The following GNL2 variants were observed in gnomAD, a reference collection of about 807,000 sequenced individuals.
GNL2 encodes the protein G protein nucleolar 2.
In GNL2, 51 loss-of-function variants were observed where a neutral mutation model predicts 92.3. That is an observed-to-expected ratio of 0.55 (90% confidence interval 0.44 to 0.70). The LOEUF (loss-of-function observed/expected upper bound fraction) is 0.70. Ranked by LOEUF, GNL2 falls within the 30% of genes least tolerant of loss-of-function variation. The pLI is 0.00. For synonymous variants in GNL2, 283 were observed against 300.6 expected (o/e 0.94, Z 0.61); for missense variants, 844 against 895.6 (o/e 0.94, Z 0.74).
Position 37,595,910 on chromosome 1 carries a change from C to G in GNL2, c.-88G>C. 9.1e-7 allele frequency: 1 copy of G among 1,097,276 alleles called. No homozygotes were observed. The highest frequency in any genetic ancestry group is 2.4e-5 in the East Asian group (1 of 41,250). The allele number at this position is 1,097,276 out of a possible 1,614,324, so 68.0% of individuals were successfully genotyped here. On this transcript the variant is annotated 5_prime_UTR_variant, in exon 1 of 16. Coordinates refer to ENST00000373062, the MANE Select transcript of GNL2 (RefSeq NM_013285.3). ...GTTCCCAAGCCCGGCCGAAGACACC[C>G]GCCTGAACCACGCCGGACCACGTGT...
chr1:37,580,845 T>A (rs11576892), intron 8 of GNL2, among the ~76,000 whole-genome samples: 10 of 152,318 alleles, frequency 6.6e-5, no homozygotes, highest in African/African-American at 2.4e-4. Flanking sequence ...ATTATACTCA[T>A]AGCACACCAT....
chr1:37,573,652 G>T (rs976268299), intron 12 of GNL2, among the ~76,000 whole-genome samples: 1 of 152,234 alleles, frequency 6.6e-6, no homozygotes, highest in Non-Finnish European at 1.5e-5. Flanking sequence ...TCTTAGCAAT[G>T]ATTCTGTTTC....
chr1:37,570,874 A>G (rs1386646448), intron 12 of GNL2: 5 of 152,212 alleles, frequency 3.3e-5, no homozygotes, highest in East Asian at 3.9e-4. Flanking sequence ...AACCGCAAAG[A>G]TAAGTATGTG....
At chr1:37,582,963 T>C in intron 6 of GNL2, 27 bp from the exon 7 acceptor site, 1 of 1,558,726 alleles carries the variant, frequency 6.4e-7, no homozygotes, top group Non-Finnish European at 8.8e-7. Context: ...GCAAAAATGG[T>C]TTGCTACAGT....
At position 37,574,778 on chromosome 1, in the gene GNL2, C is replaced by T. The variant is rs767331192; in HGVS notation, c.1189G>A (p.Val397Ile). Residue 397 changes from valine (V) to isoleucine (I), a missense_variant, in exon 11 of 16, where the codon GTA (valine) becomes ATA (isoleucine). Val to Ile is a conservative substitution (Grantham distance 29). Coordinates refer to ENST00000373062, the MANE Select transcript of GNL2 (RefSeq NM_013285.3). Reference protein sequence around the residue: ...IKSPEDHIGAVLERAKPEYIS... With the variant: ...IKSPEDHIGAILERAKPEYIS... The stretch of plus-strand genomic sequence containing the variant: ...TATTCTGGCTTTGCTCGTTCAAGTA[C>T]AGCACCAATGTGGTCTTCAGGACTC... The T allele has an allele frequency of 1.9e-6, 3 of 1,613,276 alleles. No individual in the cohort carries two copies. In the South Asian group the frequency reaches 3.3e-5, roughly 18 times the overall value.
At chr1:37,580,519 C>T (rs1436500642) in intron 8 of GNL2, among the ~76,000 whole-genome samples, 3 of 152,140 alleles carry the variant, frequency 2.0e-5, no homozygotes, top group Non-Finnish European at 4.4e-5. Flanking sequence ...GAAAATATGT[C>T]CCATGGAAAG....
chr1:37,593,624 T>A, intron 2 of GNL2, 138 bp downstream of exon 2: 2 of 609,602 alleles, frequency 3.3e-6, no homozygotes, highest in Non-Finnish European at 5.8e-6. Context: ...CTAACGACAC[T>A]CACGTACAAT....
chr1:37,566,887 G>T lies in GNL2; in HGVS notation c.2164C>A (p.His722Asn), dbSNP rs767833347. Reference sequence around the variant, plus strand: ...TTTTGTCTGAATTTTTTGCGTTTGTGTTTCTGTCCCTCTGAGTCATTGGTC... The same window carrying T: ...TTTTGTCTGAATTTTTTGCGTTTGTTTTTCTGTCCCTCTGAGTCATTGGTC... ...KKTNDSEGQK[H>N]KRKKFRQKQ Residue 722 changes from histidine to asparagine, a missense_variant, in exon 16 of 16, where the codon CAC becomes AAC. By Grantham distance (68) the His-to-Asn change is moderately conservative. Coordinates refer to ENST00000373062, the MANE Select transcript of GNL2 (RefSeq NM_013285.3). The T allele has an allele frequency of 1.2e-6, 2 of 1,613,734 alleles. No homozygotes were observed. Among genetic ancestry groups the T allele is most frequent in the South Asian group, 2.2e-5 (2 of 90,918 alleles).
In GNL2 at chr1:37,566,849, TA is replaced by T. The variant is rs776967711; in HGVS notation, c.*5del. 1.2e-6 allele frequency: 2 copies of T among 1,611,534 alleles called. No individual in the cohort carries two copies. Among genetic ancestry groups the T allele is most frequent in the Admixed American group, 3.4e-5 (2 of 59,576 alleles). ...TTTGTATAATTTAATAAAAACCTTT[TA>T]AACATTACTGCTTTTGTCTGAATTT... On this transcript the variant is annotated 3_prime_UTR_variant, in exon 16 of 16. Coordinates refer to ENST00000373062, the MANE Select transcript of GNL2 (RefSeq NM_013285.3).
intron 8 of GNL2, 117 bp downstream of exon 8, chr1:37,582,106 C>T: frequency 1.6e-6 from 1 of 630,352 alleles, no homozygotes; most frequent in East Asian, 2.9e-5. Context: ...GACTACAGAC[C>T]TGCGCAACCA....
In GNL2 at chr1:37,587,437, G is replaced by C. The variant is rs1223139713; in HGVS notation, c.443C>G (p.Ser148Ter). ...ESFETTFGPK[S>*]QRKRPNLFAS... ...AAATAAGTTTGGTCGTTTCCTCTGTGACTTAGGGCCAAATGTAGTTTCAAA... is the reference window on the plus strand; with the variant it reads ...AAATAAGTTTGGTCGTTTCCTCTGTCACTTAGGGCCAAATGTAGTTTCAAA... Residue 148 changes from serine to a stop codon, truncating the protein, a stop_gained, in exon 5 of 16, where the codon TCA becomes TGA. Transcript: ENST00000373062. LOFTEE classifies it high-confidence loss of function. The C allele has an allele frequency of 3.7e-6, 6 of 1,613,076 alleles. No homozygotes were observed. Among genetic ancestry groups the C allele is most frequent in the Non-Finnish European group, 2.5e-6 (3 of 1,179,310 alleles).
chr1:37,574,521 G>T (rs1643646354), intron 11 of GNL2, 65 bp from the exon 12 acceptor site: 2 of 1,444,814 alleles, frequency 1.4e-6, no homozygotes, highest in Admixed American at 1.8e-5. Flanking sequence ...CACTTTGGGG[G>T]TATTTCAGTT....
intron 4 of GNL2, among the ~76,000 whole-genome samples, chr1:37,589,731 C>T (rs1342875074): frequency 6.6e-6 from 1 of 152,198 alleles, no homozygotes. Flanking sequence ...AGCAGACAAA[C>T]AACAGATTCT....
chr1:37,567,644 G>T (rs1253777965), intron 15 of GNL2, 29 bp downstream of exon 15: 90 of 1,396,604 alleles, frequency 6.4e-5, no homozygotes, highest in Non-Finnish European at 9.1e-5. Flanking sequence ...TACTCTACTT[G>T]GGCCATACTT....
In GNL2 at chr1:37,575,734, C is replaced by G; in HGVS notation, c.1039-35G>C. 1 of 1,304,370 alleles carries G rather than the reference C, an allele frequency of 7.7e-7. No homozygotes were observed. The highest frequency in any genetic ancestry group is 1.1e-6 in the Non-Finnish European group (1 of 917,016). The allele number at this position is 1,304,370 out of a possible 1,614,324, so 80.8% of individuals were successfully genotyped here. A position where few individuals can be genotyped will look rare whatever the true frequency, so the allele number is the denominator to read the frequency against. On this transcript the variant is annotated intron_variant, in intron 9 of 15. Coordinates refer to ENST00000373062, the MANE Select transcript of GNL2 (RefSeq NM_013285.3). The surrounding 1 kb of genome is among the most constrained non-coding windows in gnomAD (Gnocchi z 4.1). The stretch of plus-strand genomic sequence containing the variant: ...GAAAAAAGTCAGAGATGTCCTGTAT[C>G]AAACACTAAGAGTCTAATTTCACAA...
rs576029737 is a variant in GNL2 at position 37,579,314 on chromosome 1, G to A, written c.910-2758C>T. On this transcript the variant is annotated intron_variant, in intron 8 of 15. Transcript: ENST00000373062. ...TGTAATCCCAGCACTCTGGGAGGCC[G>A]AGGGGGGCGGATCACCTGAGGTCGG... 2.4e-3 allele frequency among the ~76,000 whole-genome samples: 366 copies of A among 152,194 alleles called. 1 individual carries two copies. The highest frequency in any genetic ancestry group is 8.3e-3 in the African/African-American group (345 of 41,494).
At chr1:37,586,349 C>T (rs1049804309) in intron 5 of GNL2, among the ~76,000 whole-genome samples, 6 of 152,030 alleles carry the variant, frequency 3.9e-5, no homozygotes, top group African/African-American at 9.7e-5. Flanking sequence ...TGTGCTCAAG[C>T]GATCTTCCTG....
At chr1:37,583,369 A>C (rs1473216263) in intron 6 of GNL2, 1 of 157,420 alleles carries the variant, frequency 6.4e-6, no homozygotes, top group Non-Finnish European at 1.4e-5. Flanking sequence ...TATACTTGAA[A>C]ATTTTTCTTC....
intron 2 of GNL2, among the ~76,000 whole-genome samples, chr1:37,593,153 A>G (rs1391888705): frequency 6.6e-6 from 1 of 152,212 alleles, no homozygotes; most frequent in East Asian, 1.9e-4. Context: ...TTTCACGTAG[A>G]GGGTGATTTA....
Sources: allele counts gnomAD v4.1 joint callset (sites outside exome capture counted in the v4.1 genomes callset), GRCh38; gene constraint gnomAD v4.1.1; non-coding constraint Gnocchi (gnomAD v3.1); transcripts MANE v1.5; gene names NCBI Gene and HGNC (gene_info 2026-07-23, HGNC 2026-07-21).